CALN1: variants seen among roughly 807,000 people sequenced by gnomAD.
CALN1 encodes the protein calcium-binding protein 8.
CALN1 carries 17 observed loss-of-function variants against 30.6 expected under a neutral mutation model. The observed-to-expected ratio is 0.56, with a 90% confidence interval of 0.38 to 0.83. CALN1 has a LOEUF of 0.83. Among genes scored for constraint, CALN1 ranks in the 40% least tolerant of loss-of-function variants. The pLI, the probability that CALN1 is intolerant of heterozygous loss-of-function variation, is 0.00. For missense variants in CALN1, 291 were observed against 354.9 expected, an observed-to-expected ratio of 0.82 and a Z score of 1.45; for synonymous variants, 156 against 131.4, an observed-to-expected ratio of 1.19 and a Z score of -1.28.
chr7:71,959,864 T>C (rs1167340448), intron 5 of CALN1, among the ~76,000 whole-genome samples: 2 of 152,156 alleles, frequency 1.3e-5, no homozygotes, highest in South Asian at 4.1e-4. Flanking sequence ...CCGGGCACAG[T>C]GGCTCAGGCC....
At chr7:72,038,281 C>T (rs897091434) in intron 4 of CALN1, among the ~76,000 whole-genome samples, 2 of 152,160 alleles carry the variant, frequency 1.3e-5, no homozygotes, top group African/African-American at 4.8e-5. Flanking sequence ...CCCAAAGCTT[C>T]TCCTGGAAGT....
intron 3 of CALN1, among the ~76,000 whole-genome samples, chr7:72,238,994 C>G (rs957207525): frequency 4.6e-5 from 7 of 152,236 alleles, no homozygotes; most frequent in African/African-American, 1.7e-4. Context: ...CCCTCAGACT[C>G]TTGCCCCACC....
chr7:72,328,800 A>G (rs1801460287), intron 2 of CALN1, among the ~76,000 whole-genome samples: 1 of 152,180 alleles, frequency 6.6e-6, no homozygotes, highest in South Asian at 2.1e-4. Context: ...GGTTCAAGCA[A>G]TTCTCCTGCC....
At chr7:71,932,771 G>T (rs1383264721) in intron 5 of CALN1, among the ~76,000 whole-genome samples, 1 of 145,052 alleles carries the variant, frequency 6.9e-6, no homozygotes, top group Non-Finnish European at 1.5e-5. Flanking sequence ...AGCCGAGATC[G>T]CATCACTGCA....
the CALN1 span, among the ~76,000 whole-genome samples, chr7:72,459,161 C>T: frequency 6.6e-6 from 1 of 151,982 alleles, no homozygotes; most frequent in African/African-American, 2.4e-5. Flanking sequence ...GCCTCAGCCT[C>T]CCAAAGTGCT....
chr7:72,164,562 G>T (rs1035299255), intron 3 of CALN1, among the ~76,000 whole-genome samples: 2 of 152,096 alleles, frequency 1.3e-5, no homozygotes, highest in Admixed American at 1.3e-4. Flanking sequence ...CCTTCATTTC[G>T]AACATCCATC....
chr7:72,123,659 C>G (rs1460225132), intron 3 of CALN1, among the ~76,000 whole-genome samples: 3 of 152,160 alleles, frequency 2.0e-5, no homozygotes, highest in Non-Finnish European at 4.4e-5. Context: ...TGTAGCTCAT[C>G]AAATCCCTGC....
In CALN1 at chr7:72,035,299, G is replaced by A. The variant is rs75048591; in HGVS notation, c.389-11530C>T. Among the ~76,000 whole-genome samples, 202 of 152,064 alleles carry A rather than the reference G, an allele frequency of 1.3e-3. 4 individuals are homozygous for A. In the East Asian group the frequency reaches 0.037, roughly 28 times the overall value. Reference sequence around the variant, plus strand: ...TCATTCCCCCTACCCTCCAGCCCCTGATGACCACCATTCTACTTTCTCTCG... The same window carrying A: ...TCATTCCCCCTACCCTCCAGCCCCTAATGACCACCATTCTACTTTCTCTCG... On this transcript the variant is annotated intron_variant, in intron 4 of 6. Coordinates refer to ENST00000395275, the MANE Select transcript of CALN1 (RefSeq NM_031468.4).
At chr7:71,894,553 G>A (rs529401473) in intron 5 of CALN1, among the ~76,000 whole-genome samples, 1 of 152,258 alleles carries the variant, frequency 6.6e-6, no homozygotes, top group African/African-American at 2.4e-5. Flanking sequence ...TTACAGGCAT[G>A]AGCCACCATA....
At chr7:72,441,661 C>T (rs964257021) in intron 1 of CALN1, among the ~76,000 whole-genome samples, 4 of 149,614 alleles carry the variant, frequency 2.7e-5, no homozygotes, top group South Asian at 2.1e-4. Flanking sequence ...CCAGGAGAGA[C>T]GAGGACGTAG....
Position 72,201,737 on chromosome 7 carries a change from T to TAA in CALN1, c.244+76947_244+76948dup, listed in dbSNP as rs778266725. ...ACCCATGTACAACCTTGAATCTGAT[T>TAA]AAAAAAAAAAAAAAAAAAAGCAGTA... On this transcript the variant is annotated intron_variant, in intron 3 of 6. Coordinates refer to ENST00000395275, the MANE Select transcript of CALN1 (RefSeq NM_031468.4). Among the ~76,000 whole-genome samples the TAA allele has an allele frequency of 6.4e-3, 756 of 117,828 alleles. 13 individuals carry two copies. Among genetic ancestry groups the TAA allele is most frequent in the African/African-American group, 0.022 (697 of 31,036 alleles). 77.3% of individuals were successfully genotyped at this position (117,828 alleles called of 152,430 possible).
intron 5 of CALN1, among the ~76,000 whole-genome samples, chr7:71,942,898 T>C (rs1046997151): frequency 6.6e-6 from 1 of 152,164 alleles, no homozygotes; most frequent in African/African-American, 2.4e-5. Context: ...TTGCCTCCTT[T>C]GGAAGGGCTA....
intron 6 of CALN1, among the ~76,000 whole-genome samples, chr7:71,790,714 A>G (rs1793331405): frequency 6.6e-6 from 1 of 152,224 alleles, no homozygotes; most frequent in Non-Finnish European, 1.5e-5. Context: ...TCTCAGCCCT[A>G]TTGCAGAATT....
chr7:72,183,418 G>C (rs763308947), intron 3 of CALN1, among the ~76,000 whole-genome samples: 2 of 152,118 alleles, frequency 1.3e-5, no homozygotes, highest in East Asian at 1.9e-4. Context: ...TGAGAGTCTA[G>C]AAGTATACCT....
intron 3 of CALN1, among the ~76,000 whole-genome samples, chr7:72,172,322 A>G (rs1293066465): frequency 6.6e-6 from 1 of 152,184 alleles, no homozygotes; most frequent in East Asian, 1.9e-4. Context: ...GTGCTTTGAT[A>G]CCTTCTCAGT....
chr7:71,996,879 A>C (rs1051099389), intron 5 of CALN1, among the ~76,000 whole-genome samples: 7 of 152,210 alleles, frequency 4.6e-5, no homozygotes, highest in Non-Finnish European at 1.0e-4. Flanking sequence ...ACAAGTAAAT[A>C]AGAGTTATAA....
chr7:72,316,746 C>T (rs1293445677), intron 2 of CALN1, among the ~76,000 whole-genome samples: 2 of 151,866 alleles, frequency 1.3e-5, no homozygotes, highest in African/African-American at 4.8e-5. Flanking sequence ...GAGTTCAAGA[C>T]CAACCTGTAA....
At chr7:72,204,155 A>ACT (rs547113181) in intron 3 of CALN1, among the ~76,000 whole-genome samples, 1 of 141,812 alleles carries the variant, frequency 7.1e-6, no homozygotes, top group Non-Finnish European at 1.5e-5. Flanking sequence ...CACCTGGCTA[A>ACT]TTTTTTTTTT....
At chr7:72,288,589 A>G (rs1323052768) in intron 2 of CALN1, among the ~76,000 whole-genome samples, 8 of 152,248 alleles carry the variant, frequency 5.3e-5, no homozygotes, top group Non-Finnish European at 1.5e-5. Flanking sequence ...ATCCACCATT[A>G]GTCTAGGAGT....
Sources: gnomAD v4.1 joint callset for allele counts (sites outside exome capture counted in the v4.1 genomes callset) on GRCh38, gnomAD v4.1.1 for gene constraint, MANE v1.5 for transcripts, NCBI Gene and HGNC (gene_info 2026-07-23, HGNC 2026-07-21) for gene names.